Variants in MAF observed in about 807,000 individuals in gnomAD.
MAF encodes the protein MAF bZIP transcription factor.
A neutral mutation model predicts 22.0 loss-of-function variants in MAF; 10 were observed. That is an observed-to-expected ratio of 0.45 (90% CI 0.28 to 0.77). MAF has a LOEUF of 0.77. Among genes scored for constraint, MAF ranks in the 30% least tolerant of loss-of-function variants. The probability of loss-of-function intolerance (pLI) is 0.12; values close to 1 mark genes in which losing one functional copy is unlikely to be tolerated. For missense variants in MAF, 544 were observed against 548.4 expected (o/e 0.99, Z 0.08); for synonymous variants, 337 against 255.8 (o/e 1.32, Z -3.03).
chr16:79,389,892 C>T, the MAF span, among the ~76,000 whole-genome samples: 99 of 132,066 alleles, frequency 7.5e-4, no homozygotes, highest in Admixed American at 1.4e-3. Context: ...AGGAGAATGG[C>T]GTGAACCTGG....
chr16:79,365,946 G>A, the MAF span, among the ~76,000 whole-genome samples: 65 of 152,288 alleles, frequency 4.3e-4, no homozygotes, highest in South Asian at 6.2e-4. Context: ...TGACTCCTTC[G>A]CCAATTGCGG....
the MAF span, among the ~76,000 whole-genome samples, chr16:79,521,355 A>C: frequency 3.0e-3 from 452 of 152,324 alleles, 2 homozygotes; most frequent in Middle Eastern, 0.014. Flanking sequence ...CTTCAGAAAA[A>C]AGAAATATAG....
At chr16:79,390,793 C>G in the MAF span, among the ~76,000 whole-genome samples, 4 of 152,266 alleles carry the variant, frequency 2.6e-5, no homozygotes, top group African/African-American at 9.6e-5. Context: ...AATCTGATAA[C>G]CGGGCCACAG....
the MAF span, among the ~76,000 whole-genome samples, chr16:79,232,619 G>C: frequency 6.6e-6 from 1 of 151,914 alleles, no homozygotes; most frequent in African/African-American, 2.4e-5. Flanking sequence ...ATGGCACATG[G>C]ACAGTGTGTG....
At chr16:79,542,084 G>T in the MAF span, among the ~76,000 whole-genome samples, 1 of 152,152 alleles carries the variant, frequency 6.6e-6, no homozygotes, top group Non-Finnish European at 1.5e-5. Context: ...GACTCCAAGC[G>T]TTTCAGTCTT....
At chr16:79,435,832 G>A in the MAF span, among the ~76,000 whole-genome samples, 2 of 152,124 alleles carry the variant, frequency 1.3e-5, no homozygotes, top group East Asian at 1.9e-4. Context: ...ACTTGAACTC[G>A]AACAAAGGCT....
chr16:79,302,677 C>T, the MAF span, among the ~76,000 whole-genome samples: 1 of 152,226 alleles, frequency 6.6e-6, no homozygotes, highest in Non-Finnish European at 1.5e-5. Flanking sequence ...AATCCCCCTG[C>T]AGGCGCTCTA....
Position 79,600,096 on chromosome 16 carries a change from C to G in MAF, c.-194G>C. The G allele has an allele frequency of 1.6e-6, 1 of 627,178 alleles. No individual in the cohort carries two copies. Among genetic ancestry groups the G allele is most frequent in the Non-Finnish European group, 2.6e-6 (1 of 386,510 alleles). 38.9% of individuals were successfully genotyped at this position (627,178 alleles called of 1,614,324 possible). Reference sequence around the variant, plus strand: ...CACCCCCCCGCCCTGCCCGCGCCCCCCGCGCCCGCCCTCCCTCCCCCCTGC... The same window carrying G: ...CACCCCCCCGCCCTGCCCGCGCCCCGCGCGCCCGCCCTCCCTCCCCCCTGC... On this transcript the variant is annotated 5_prime_UTR_variant, in exon 1 of 2. Coordinates refer to ENST00000326043, the MANE Select transcript of MAF (RefSeq NM_005360.5).
chr16:79,204,798 T>G, the MAF span: 1 of 152,156 alleles, frequency 6.6e-6, no homozygotes, highest in African/African-American at 2.4e-5. Context: ...CTCTAAAACT[T>G]AAGTTTTAGG....
At chr16:79,275,346 C>T in the MAF span, among the ~76,000 whole-genome samples, 3 of 151,814 alleles carry the variant, frequency 2.0e-5, no homozygotes, top group South Asian at 6.3e-4. Flanking sequence ...AATCCATCTC[C>T]AAAAAAAGAG....
chr16:79,568,150 C>G, the MAF span, among the ~76,000 whole-genome samples: 1 of 152,172 alleles, frequency 6.6e-6, no homozygotes, highest in Non-Finnish European at 1.5e-5. Flanking sequence ...AATCCAGTCG[C>G]TAAAATCCAT....
chr16:79,554,384 G>A, the MAF span, among the ~76,000 whole-genome samples: 4 of 152,138 alleles, frequency 2.6e-5, no homozygotes, highest in African/African-American at 9.7e-5. Context: ...TCATTTATTA[G>A]AAAGGTAGAA....
the MAF span, among the ~76,000 whole-genome samples, chr16:79,239,629 G>A: frequency 5.9e-5 from 9 of 151,960 alleles, no homozygotes; most frequent in Admixed American, 5.3e-4. Context: ...GATGCTAATG[G>A]TTTCTTTCCT....
At chr16:79,433,296 A>C in the MAF span, among the ~76,000 whole-genome samples, 1 of 149,258 alleles carries the variant, frequency 6.7e-6, no homozygotes, top group African/African-American at 2.4e-5. Flanking sequence ...ATATATATAT[A>C]TAATACTATG....
At chr16:79,578,829 T>C in the MAF span, among the ~76,000 whole-genome samples, 1,980 of 152,260 alleles carry the variant, frequency 0.013, 41 homozygotes, top group African/African-American at 0.045. Context: ...GAAAATACCA[T>C]GTGTTTGGAG....
At chr16:79,278,771 G>C in the MAF span, among the ~76,000 whole-genome samples, 16 of 152,250 alleles carry the variant, frequency 1.1e-4, 1 homozygote, top group Admixed American at 2.6e-4. Flanking sequence ...CGCCCTGACA[G>C]GGGGACAGGA....
chr16:79,226,200 TA>T, the MAF span, among the ~76,000 whole-genome samples: 1 of 152,026 alleles, frequency 6.6e-6, no homozygotes, highest in African/African-American at 2.4e-5. Flanking sequence ...TATGCAGCCA[TA>T]AAAAAGGATG....
the MAF span, among the ~76,000 whole-genome samples, chr16:79,500,491 A>G: frequency 6.6e-6 from 1 of 152,126 alleles, no homozygotes; most frequent in Non-Finnish European, 1.5e-5. Flanking sequence ...GTTGCTTGTC[A>G]TGAAACTTCC....
the MAF span, among the ~76,000 whole-genome samples, chr16:79,351,772 T>C: frequency 2.0e-5 from 3 of 151,978 alleles, no homozygotes; most frequent in Non-Finnish European, 2.9e-5. Context: ...GTGACAAGTG[T>C]CGGGCAGAAG....
Sources: gnomAD v4.1 joint callset for allele counts (sites outside exome capture counted in the v4.1 genomes callset) on GRCh38, gnomAD v4.1.1 for gene constraint, MANE v1.5 for transcripts, NCBI Gene and HGNC (gene_info 2026-07-23, HGNC 2026-07-21) for gene names.